The following SCYL3 variants were observed in gnomAD, a reference collection of about 807,000 sequenced individuals.
SCYL3 encodes the protein SCY1 like pseudokinase 3.
SCYL3 carries 35 observed loss-of-function variants against 73.8 expected under a neutral mutation model. That is an observed-to-expected ratio of 0.47 (90% confidence interval 0.36 to 0.63). The LOEUF (loss-of-function observed/expected upper bound fraction) is 0.63. Among genes scored for constraint, SCYL3 ranks in the 20% least tolerant of loss-of-function variants. The pLI is 0.00. For missense variants in SCYL3, 712 were observed against 798.9 expected, an observed-to-expected ratio of 0.89 and a Z score of 1.31; for synonymous variants, 277 against 295.2, an observed-to-expected ratio of 0.94 and a Z score of 0.63.
intron 1 of SCYL3, among the ~76,000 whole-genome samples, chr1:169,889,587 T>A (rs10800486): frequency 0.7 from 106,732 of 151,970 alleles, 37,680 homozygotes; most frequent in Middle Eastern, 0.86. Context: ...ATAATCTCAA[T>A]TGCTAAAAAA....
chr1:169,884,181 A>G (rs1661508315), intron 2 of SCYL3, among the ~76,000 whole-genome samples: 1 of 152,246 alleles, frequency 6.6e-6, no homozygotes, highest in South Asian at 2.1e-4. Flanking sequence ...TTCTTTAACT[A>G]GCAATTACAA....
chr1:169,855,950 A>G (rs1394039752), intron 11 of SCYL3: 1 of 1,611,132 alleles, frequency 6.2e-7, no homozygotes, highest in South Asian at 1.1e-5. Context: ...CGACACACAT[A>G]GGAGAATCTG....
At chr1:169,856,913 C>T (rs1659223645) in intron 11 of SCYL3, among the ~76,000 whole-genome samples, 1 of 152,152 alleles carries the variant, frequency 6.6e-6, no homozygotes. Context: ...AGAGAAAAGC[C>T]TATCTGATTA....
intron 8 of SCYL3, among the ~76,000 whole-genome samples, chr1:169,865,886 C>G (rs959989456): frequency 1.3e-5 from 2 of 152,200 alleles, no homozygotes; most frequent in African/African-American, 4.8e-5. Flanking sequence ...ATCAGCCACT[C>G]CTTCCCACCA....
Position 169,854,851 on chromosome 1 carries a change from G to T in SCYL3, c.1426C>A (p.Pro476Thr). Residue 476 changes from proline (P) to threonine (T), a missense_variant, in exon 12 of 13, where the codon CCT becomes ACT. Pro to Thr is a conservative substitution (Grantham distance 38, BLOSUM62 -1). Transcript: ENST00000367771. ...PSSSKKSEEW[P>T]DWSEPEEPEN... ...GGCTCCTCAGGTTCACTCCAGTCAG[G>T]CCACTCCTCAGACTTTTTAGAACTT... 6.2e-7 allele frequency: 1 copy of T among 1,613,982 alleles called. No individual in the cohort carries two copies. Among genetic ancestry groups the T allele is most frequent in the Non-Finnish European group, 8.5e-7 (1 of 1,179,918 alleles).
intron 10 of SCYL3, among the ~76,000 whole-genome samples, chr1:169,861,134 A>G (rs775081385): frequency 6.6e-6 from 1 of 152,204 alleles, no homozygotes; most frequent in East Asian, 1.9e-4. Flanking sequence ...ACAAAGTGCT[A>G]TGTTGTAGTT....
chr1:169,876,120 G>A, intron 3 of SCYL3, 29 bp from the exon 4 acceptor site: 1 of 1,292,512 alleles, frequency 7.7e-7, no homozygotes, highest in Non-Finnish European at 1.1e-6. Context: ...AGAAGGAAGA[G>A]TGCCACTCCA....
intron 11 of SCYL3, among the ~76,000 whole-genome samples, chr1:169,857,702 G>A (rs1164230415): frequency 6.6e-6 from 1 of 152,200 alleles, no homozygotes; most frequent in African/African-American, 2.4e-5. Flanking sequence ...ATAGATTTGT[G>A]CATGGCATTT....
Position 169,850,448 on chromosome 1 carries a change from T to C in SCYL3, c.*3265A>G. 1 of 776,000 alleles carries C rather than the reference T, an allele frequency of 1.3e-6. No individual in the cohort carries two copies. Among genetic ancestry groups the C allele is most frequent in the South Asian group, 1.7e-5 (1 of 58,442 alleles). The allele number at this position is 776,000 out of a possible 1,614,324, so 48.1% of individuals were successfully genotyped here. A position where few individuals can be genotyped will look rare whatever the true frequency, so the allele number is the denominator to read the frequency against. ...TGAGTGTCTTCTTAGCTTAAACTTTTCACAGTGCTGAGCACAGTGCTGACG... is the reference window on the plus strand; with the variant it reads ...TGAGTGTCTTCTTAGCTTAAACTTTCCACAGTGCTGAGCACAGTGCTGACG... On this transcript the variant is annotated 3_prime_UTR_variant, in exon 13 of 13. Transcript: ENST00000367771.
At position 169,852,080 on chromosome 1, in the gene SCYL3, T is replaced by C. The variant is rs1168701492; in HGVS notation, c.*1633A>G. 1 of 1,132,100 alleles carries C rather than the reference T, an allele frequency of 8.8e-7. No homozygotes were observed. The highest frequency in any genetic ancestry group is 1.3e-6 in the Non-Finnish European group (1 of 781,712). 70.1% of individuals were successfully genotyped at this position (1,132,100 alleles called of 1,614,324 possible). A position where few individuals can be genotyped will look rare whatever the true frequency, so the allele number is the denominator to read the frequency against. ...TCTAGACATGTAAAATTCTGTTTTATGGTAGTTGCTTTTAAAATTAAGAAG... is the reference window on the plus strand; with the variant it reads ...TCTAGACATGTAAAATTCTGTTTTACGGTAGTTGCTTTTAAAATTAAGAAG... On this transcript the variant is annotated 3_prime_UTR_variant, in exon 13 of 13. Coordinates refer to ENST00000367771, the MANE Select transcript of SCYL3 (RefSeq NM_020423.7).
chr1:169,880,798 A>G (rs1219558240), intron 2 of SCYL3, among the ~76,000 whole-genome samples: 2 of 144,224 alleles, frequency 1.4e-5, no homozygotes, highest in Admixed American at 7.2e-5. Flanking sequence ...GTCTCACTCT[A>G]TCTCCTAGGT....
chr1:169,869,160 T>G, intron 6 of SCYL3, 121 bp from the exon 7 acceptor site: 1 of 732,442 alleles, frequency 1.4e-6, no homozygotes, highest in African/African-American at 1.8e-5. Context: ...AAGCCCTGGC[T>G]GTTGCTAAAC....
At chr1:169,891,666 C>A (rs750611526) in intron 1 of SCYL3, among the ~76,000 whole-genome samples, 4 of 152,200 alleles carry the variant, frequency 2.6e-5, no homozygotes, top group Admixed American at 1.3e-4. Flanking sequence ...ATCTTCTTCG[C>A]AGGAAATCAT....
chr1:169,881,244 A>G (rs1471433185), intron 2 of SCYL3, among the ~76,000 whole-genome samples: 1 of 152,236 alleles, frequency 6.6e-6, no homozygotes, highest in African/African-American at 2.4e-5. Context: ...GTGACATAGT[A>G]CAATATTAAC....
At chr1:169,855,866 AAAG>A (rs1313552508) in intron 11 of SCYL3, 2 of 1,613,850 alleles carry the variant, frequency 1.2e-6, no homozygotes, top group Admixed American at 1.7e-5. Context: ...TGCTGCCAGA[AAAG>A]AAACATTTAG....
At chr1:169,876,807 T>G (rs540422385) in intron 3 of SCYL3, among the ~76,000 whole-genome samples, 8 of 151,676 alleles carry the variant, frequency 5.3e-5, no homozygotes, top group Non-Finnish European at 1.0e-4. Flanking sequence ...TACAAAATAT[T>G]AGCCGGGCAT....
chr1:169,852,057 T>G lies in SCYL3; in HGVS notation c.*1656A>C, dbSNP rs1484339492. 2.2e-6 allele frequency: 3 copies of G among 1,374,382 alleles called. No individual in the cohort carries two copies. Among genetic ancestry groups the G allele is most frequent in the South Asian group, 2.5e-5 (2 of 81,568 alleles). 85.1% of individuals were successfully genotyped at this position (1,374,382 alleles called of 1,614,324 possible). On this transcript the variant is annotated 3_prime_UTR_variant, in exon 13 of 13. Coordinates refer to ENST00000367771, the MANE Select transcript of SCYL3 (RefSeq NM_020423.7). ...TGCTGAATTTCAAATCAAATAGATC[T>G]AGACATGTAAAATTCTGTTTTATGG...
chr1:169,868,828 T>C (rs564209644), intron 7 of SCYL3, 100 bp downstream of exon 7: 5 of 718,038 alleles, frequency 7.0e-6, no homozygotes, highest in Non-Finnish European at 1.2e-5. Context: ...AACTGCATCA[T>C]TTGGTCCTCC....
At chr1:169,856,053 TA>T in intron 11 of SCYL3, 1 of 1,037,052 alleles carries the variant, frequency 9.6e-7, no homozygotes, top group Non-Finnish European at 1.4e-6. Flanking sequence ...GAAATGGGTA[TA>T]TTTTTATACA....
Sources: gnomAD v4.1 joint callset for allele counts (sites outside exome capture counted in the v4.1 genomes callset) on GRCh38, gnomAD v4.1.1 for gene constraint, MANE v1.5 for transcripts, NCBI Gene and HGNC (gene_info 2026-07-23, HGNC 2026-07-21) for gene names.